PTPRD: variants seen among roughly 807,000 people sequenced by gnomAD.
PTPRD encodes the protein protein tyrosine phosphatase receptor type D.
A neutral mutation model predicts 214.5 loss-of-function variants in PTPRD; 34 were observed. The observed-to-expected ratio is 0.16, with a 90% CI of 0.12 to 0.21. The LOEUF (loss-of-function observed/expected upper bound fraction) is 0.21, where lower values mean the gene tolerates loss of function less well. PTPRD is among the 10% of genes least tolerant of loss of function. The pLI, the probability that PTPRD is intolerant of heterozygous loss-of-function variation, is 1.00. For missense variants in PTPRD, 2,545 were observed against 2,398.7 expected (o/e 1.06, Z -1.27); for synonymous variants, 1,128 against 845.7 (o/e 1.33, Z -5.79).
intron 11 of PTPRD, among the ~76,000 whole-genome samples, chr9:8,932,461 G>T (rs10122914): frequency 0.49 from 74,640 of 151,990 alleles, 18,800 homozygotes; most frequent in Non-Finnish European, 0.54. Flanking sequence ...CCATGTAGTT[G>T]TGCGCCCACA....
intron 4 of PTPRD, among the ~76,000 whole-genome samples, chr9:10,019,578 C>T (rs889463668): frequency 6.6e-6 from 1 of 152,094 alleles, no homozygotes; most frequent in African/African-American, 2.4e-5. Context: ...ACATATACAC[C>T]ATGGAATACT....
At chr9:8,388,986 T>C (rs2088376079) in intron 37 of PTPRD, among the ~76,000 whole-genome samples, 1 of 140,600 alleles carries the variant, frequency 7.1e-6, no homozygotes, top group Non-Finnish European at 1.5e-5. Context: ...ATATTCCTTT[T>C]TTTTTTTTTT....
intron 2 of PTPRD, among the ~76,000 whole-genome samples, chr9:10,349,599 T>A (rs1193978431): frequency 6.6e-6 from 1 of 152,200 alleles, no homozygotes; most frequent in Non-Finnish European, 1.5e-5. Flanking sequence ...GGTCTTTAAG[T>A]TAAAATTAAT....
At chr9:8,647,579 CT>C (rs1175127876) in intron 12 of PTPRD, among the ~76,000 whole-genome samples, 1 of 152,054 alleles carries the variant, frequency 6.6e-6, no homozygotes, top group African/African-American at 2.4e-5. Context: ...CAGAAAAAGA[CT>C]TCAAAACTTT....
At chr9:8,674,082 G>C (rs1283052484) in intron 12 of PTPRD, among the ~76,000 whole-genome samples, 1 of 152,090 alleles carries the variant, frequency 6.6e-6, no homozygotes, top group Non-Finnish European at 1.5e-5. Flanking sequence ...ATAAAGATGT[G>C]ATAAATATGA....
rs141638837 is a variant in PTPRD at position 10,443,845 on chromosome 9, T to TCACACACACACACACACACA, written c.-599-102848_-599-102829dup. 6.8e-3 allele frequency among the ~76,000 whole-genome samples: 1,006 copies of TCACACACACACACACACACA among 148,688 alleles called. 9 individuals carry two copies. The highest frequency in any genetic ancestry group is 0.022 in the African/African-American group (878 of 40,664). ...CTACACAGAGCTATTTACCTCAAAT[T>TCACACACACACACACACACA]CACACACACACACACACACAAATGT... is the stretch of plus-strand genomic sequence containing the variant. On this transcript the variant is annotated intron_variant, in intron 2 of 45. Coordinates refer to ENST00000381196, the MANE Select transcript of PTPRD (RefSeq NM_002839.4).
chr9:8,635,219 G>C (rs2096393200), intron 13 of PTPRD, among the ~76,000 whole-genome samples: 1 of 151,262 alleles, frequency 6.6e-6, no homozygotes, highest in Non-Finnish European at 1.5e-5. Flanking sequence ...TAGGCATTGA[G>C]CAGAGATCAT....
intron 8 of PTPRD, among the ~76,000 whole-genome samples, chr9:9,465,582 C>A (rs1196851678): frequency 6.6e-6 from 1 of 152,194 alleles, no homozygotes; most frequent in African/African-American, 2.4e-5. Context: ...TCTGTCTCTA[C>A]AGGACAGTTT....
chr9:9,033,477 A>G (rs1386455123), intron 10 of PTPRD, among the ~76,000 whole-genome samples: 1 of 152,154 alleles, frequency 6.6e-6, no homozygotes, highest in Non-Finnish European at 1.5e-5. Flanking sequence ...AAGAACATCC[A>G]ACCGCAGTAC....
intron 44 of PTPRD, among the ~76,000 whole-genome samples, chr9:8,323,577 A>C (rs1042682404): frequency 1.3e-5 from 2 of 151,610 alleles, no homozygotes; most frequent in African/African-American, 4.9e-5. Flanking sequence ...TCAAGACTTC[A>C]GTAGAGGAAG....
chr9:10,520,985 G>A (rs2052044035), intron 2 of PTPRD, among the ~76,000 whole-genome samples: 1 of 151,648 alleles, frequency 6.6e-6, no homozygotes, highest in South Asian at 2.1e-4. Context: ...AACACAACAT[G>A]TAGCCTATGG....
At chr9:10,101,570 C>A (rs1166195461) in intron 3 of PTPRD, among the ~76,000 whole-genome samples, 1 of 151,632 alleles carries the variant, frequency 6.6e-6, no homozygotes, top group African/African-American at 2.4e-5. Flanking sequence ...ATAGAAGGAT[C>A]ACCTTCAATG....
At chr9:10,206,282 T>C (rs2099477830) in intron 3 of PTPRD, among the ~76,000 whole-genome samples, 2 of 152,168 alleles carry the variant, frequency 1.3e-5, no homozygotes, top group Admixed American at 6.5e-5. Flanking sequence ...GCTGTGGATG[T>C]ATGTAAATGC....
In PTPRD at chr9:9,864,813, C is replaced by G. The variant is rs550174534; in HGVS notation, c.-368+73694G>C. 5.9e-5 allele frequency among the ~76,000 whole-genome samples: 9 copies of G among 152,204 alleles called. No homozygotes were observed. The South Asian group carries it at 1.9e-3, about 32-fold the overall frequency. The stretch of plus-strand genomic sequence containing the variant: ...GCAGACATGAACCACCAGCCCCAAC[C>G]CAGCTTCTGTGCACTTCGTAGTAAA... On this transcript the variant is annotated intron_variant, in intron 5 of 45. Transcript: ENST00000381196.
intron 5 of PTPRD, among the ~76,000 whole-genome samples, chr9:9,894,233 T>A (rs2074292429): frequency 6.6e-6 from 1 of 152,100 alleles, no homozygotes; most frequent in Admixed American, 6.6e-5. Flanking sequence ...CTGTTATGGG[T>A]CTCTCAAATC....
At chr9:9,044,363 G>A (rs1406473046) in intron 10 of PTPRD, among the ~76,000 whole-genome samples, 2 of 152,192 alleles carry the variant, frequency 1.3e-5, no homozygotes, top group Non-Finnish European at 2.9e-5. Context: ...ACTGTGAGTG[G>A]CCCATGTTAA....
chr9:10,202,409 T>C (rs1564496225), intron 3 of PTPRD, among the ~76,000 whole-genome samples: 1 of 151,536 alleles, frequency 6.6e-6, no homozygotes, highest in African/African-American at 2.4e-5. Context: ...AACCTTAGTC[T>C]AAGGTGCTTT....
intron 3 of PTPRD, among the ~76,000 whole-genome samples, chr9:10,123,176 T>C (rs2098790206): frequency 6.6e-6 from 1 of 152,174 alleles, no homozygotes; most frequent in South Asian, 2.1e-4. Context: ...AAAAAAGATA[T>C]TGAGAAAGGG....
At position 8,341,810 on chromosome 9, in the gene PTPRD, T is replaced by C. The variant is rs1372245206; in HGVS notation, c.4830A>G (p.Leu1610=). Residue 1610 remains leucine, a synonymous_variant, in exon 40 of 46, where the codon TTA becomes TTG. Coordinates refer to ENST00000381196, the MANE Select transcript of PTPRD (RefSeq NM_002839.4). ...DQYIFIHDAL[L]EAVTCGNTEV... is the part of the protein sequence containing the mutation. ...CGGTATTTCCACAAGTCACTGCTTC[T>C]AACAGTGCATCATGGATAAAGATGT... 1.2e-6 allele frequency: 2 copies of C among 1,613,664 alleles called. No homozygotes were observed. The highest frequency in any genetic ancestry group is 8.5e-7 in the Non-Finnish European group (1 of 1,179,738).
Sources: gnomAD v4.1 joint callset for allele counts (sites outside exome capture counted in the v4.1 genomes callset) on GRCh38, gnomAD v4.1.1 for gene constraint, MANE v1.5 for transcripts, NCBI Gene and HGNC (gene_info 2026-07-23, HGNC 2026-07-21) for gene names.